Variants in WDR43 observed in about 807,000 individuals in gnomAD.
The protein encoded by WDR43 is WD repeat domain 43.
A neutral mutation model predicts 91.4 loss-of-function variants in WDR43; 13 were observed. The observed-to-expected ratio is 0.14, with a 90% confidence interval of 0.09 to 0.23. The LOEUF (loss-of-function observed/expected upper bound fraction) is 0.23. Ranked by LOEUF, WDR43 falls within the 10% of genes least tolerant of loss-of-function variation. The pLI, the probability that WDR43 is intolerant of heterozygous loss-of-function variation, is 1.00. For missense variants in WDR43, 780 were observed against 809.4 expected (o/e 0.96, Z 0.44); for synonymous variants, 331 against 287.9 (o/e 1.15, Z -1.51).
At chr2:28,901,888 A>G (rs1250658479) in intron 1 of WDR43, 99 bp from the exon 2 acceptor site, 1 of 1,215,138 alleles carries the variant, frequency 8.2e-7, no homozygotes, top group African/African-American at 1.6e-5. Flanking sequence ...CCCCCTTTTA[A>G]AATGTCTTTT....
intron 5 of WDR43, among the ~76,000 whole-genome samples, chr2:28,916,349 G>GT (rs1180007132): frequency 6.6e-6 from 1 of 151,924 alleles, no homozygotes; most frequent in Non-Finnish European, 1.5e-5. Context: ...TTTCAAGATG[G>GT]TTGTAGCATT....
intron 9 of WDR43, chr2:28,927,052 A>G (rs1179392415): frequency 3.9e-6 from 2 of 518,716 alleles, no homozygotes; most frequent in African/African-American, 1.9e-5. Context: ...TTAGTGAGAA[A>G]GGGAAAGCCA....
intron 4 of WDR43, among the ~76,000 whole-genome samples, chr2:28,913,190 G>T (rs1393953838): frequency 6.6e-6 from 1 of 152,054 alleles, no homozygotes; most frequent in Non-Finnish European, 1.5e-5. Flanking sequence ...TCCTGGCCTC[G>T]TGATCTGCCT....
intron 1 of WDR43, 106 bp from the exon 2 acceptor site, chr2:28,901,881 C>T (rs974509523): frequency 1.8e-6 from 2 of 1,115,710 alleles, no homozygotes; most frequent in South Asian, 1.8e-5. Flanking sequence ...TCTCTTCCCC[C>T]CTTTTAAAAT....
intron 5 of WDR43, 108 bp downstream of exon 5, chr2:28,914,316 G>A: frequency 7.7e-7 from 1 of 1,294,082 alleles, no homozygotes; most frequent in Non-Finnish European, 1.0e-6. Context: ...ATCTAATGTT[G>A]GATTTACATT....
At chr2:28,927,756 A>ATTC in intron 10 of WDR43, 56 bp downstream of exon 10, 1 of 1,607,480 alleles carries the variant, frequency 6.2e-7, no homozygotes, top group Non-Finnish European at 8.5e-7. Flanking sequence ...TTACTGGGAA[A>ATTC]TTCTAACAAG....
chr2:28,927,001 A>T, intron 9 of WDR43: 1 of 506,914 alleles, frequency 2.0e-6, no homozygotes, highest in Non-Finnish European at 4.0e-6. Flanking sequence ...TCCATTTTGC[A>T]TATAACTTGG....
In WDR43 at chr2:28,912,699, G is replaced by C. The variant is rs748858861; in HGVS notation, c.595G>C (p.Glu199Gln). The change falls in exon 4 of 18, where the codon GAA becomes CAA. Residue 199 changes from glutamate to glutamine, a missense_variant. Physicochemically the swap from Glu to Gln is conservative, Grantham distance 29 (BLOSUM62 2). This residue lies in a region of WDR43 where 174 missense variants were observed against 207.3 expected (regional missense o/e 0.84). Transcript: ENST00000407426. ...CAAACTATGGGTTTTGGAGACCAAA[G>C]AAGTCTACAGGGTGAGCGAATCAAA... is the stretch of plus-strand genomic sequence containing the variant. Reference protein sequence around the residue: ...TIKLWVLETKEVYRHFTGHAT... With the variant: ...TIKLWVLETKQVYRHFTGHAT... 2.5e-6 allele frequency: 4 copies of C among 1,613,896 alleles called. No homozygotes were observed. The highest frequency in any genetic ancestry group is 1.3e-5 in the African/African-American group (1 of 75,032).
At chr2:28,911,132 T>A (rs2148183404) in intron 3 of WDR43, among the ~76,000 whole-genome samples, 1 of 152,264 alleles carries the variant, frequency 6.6e-6, no homozygotes, top group South Asian at 2.1e-4. Flanking sequence ...ACCCCAGGAT[T>A]ATAAAAACAT....
At chr2:28,905,609 C>T (rs917549410) in intron 2 of WDR43, among the ~76,000 whole-genome samples, 2 of 150,954 alleles carry the variant, frequency 1.3e-5, no homozygotes, top group Non-Finnish European at 2.9e-5. Context: ...TATTTTTAAA[C>T]AGGAGAAGGA....
intron 1 of WDR43, among the ~76,000 whole-genome samples, chr2:28,897,327 T>C (rs1670502999): frequency 6.6e-6 from 1 of 152,236 alleles, no homozygotes; most frequent in African/African-American, 2.4e-5. Flanking sequence ...TCTCATCTTA[T>C]TAAACCCTTC....
intron 7 of WDR43, among the ~76,000 whole-genome samples, chr2:28,923,530 C>T (rs542008059): frequency 2.6e-5 from 4 of 152,194 alleles, no homozygotes; most frequent in East Asian, 1.9e-4. Flanking sequence ...CTCAGTTTTG[C>T]GCACAAATTT....
intron 6 of WDR43, among the ~76,000 whole-genome samples, chr2:28,921,076 G>T (rs142497778): frequency 6.6e-6 from 1 of 151,856 alleles, no homozygotes; most frequent in East Asian, 1.9e-4. Context: ...AATACTATTG[G>T]CATTATATTT....
In WDR43 at chr2:28,912,305, T is replaced by C. The variant is rs1422328773; in HGVS notation, c.486-285T>C. On this transcript the variant is annotated intron_variant, in intron 3 of 17. Transcript: ENST00000407426. ...AGGATGTACAACTACCCATTTTACA[T>C]TCTTATCACTCTCACTCACTCATTT... Among the ~76,000 whole-genome samples the C allele has an allele frequency of 2.0e-5, 3 of 152,172 alleles. No homozygotes were observed. In the East Asian group the frequency reaches 5.8e-4, roughly 29 times the overall value.
At chr2:28,938,327 T>C (rs933351346) in intron 14 of WDR43, among the ~76,000 whole-genome samples, 1 of 152,188 alleles carries the variant, frequency 6.6e-6, no homozygotes, top group African/African-American at 2.4e-5. Context: ...GTTTTAAATG[T>C]TTTTATACAT....
At chr2:28,926,349 A>C (rs1671139974) in intron 8 of WDR43, 119 bp from the exon 9 acceptor site, 1 of 732,780 alleles carries the variant, frequency 1.4e-6, no homozygotes, top group Non-Finnish European at 2.1e-6. Flanking sequence ...TTAATATTTT[A>C]TAAAAATGCA....
At position 28,930,000 on chromosome 2, in the gene WDR43, G is replaced by GTGTA. The variant is rs1159790226; in HGVS notation, c.1437+291_1437+294dup. The stretch of plus-strand genomic sequence containing the variant: ...GTTCATAAAAGCCTTTATAAACATA[G>GTGTA]TGTAGCTGAATGATAATACTCAGCA... On this transcript the variant is annotated intron_variant, in intron 11 of 17. Coordinates refer to ENST00000407426, the MANE Select transcript of WDR43 (RefSeq NM_015131.3). 1.0e-4 allele frequency: 55 copies of GTGTA among 529,528 alleles called. No homozygotes were observed. The Admixed American group carries it at 1.2e-3, about 12-fold the overall frequency. The allele number at this position is 529,528 out of a possible 1,614,324, so 32.8% of individuals were successfully genotyped here.
intron 3 of WDR43, among the ~76,000 whole-genome samples, chr2:28,912,318 C>CA (rs1416050048): frequency 1.3e-5 from 2 of 152,162 alleles, no homozygotes; most frequent in African/African-American, 2.4e-5. Context: ...TTATCACTCT[C>CA]ACTCACTCAT....
At chr2:28,920,225 T>TC (rs1558375951) in intron 6 of WDR43, among the ~76,000 whole-genome samples, 1 of 41,658 alleles carries the variant, frequency 2.4e-5, no homozygotes, top group Non-Finnish European at 5.4e-5. Context: ...TTTTTCTTTC[T>TC]TTTTTTTTTT....
Sources: gnomAD v4.1 joint callset for allele counts (sites outside exome capture counted in the v4.1 genomes callset) on GRCh38, gnomAD v4.1.1 for gene constraint, gnomAD v4.1.1 regional missense constraint, MANE v1.5 for transcripts, NCBI Gene and HGNC (gene_info 2026-07-23, HGNC 2026-07-21) for gene names.